Variants in ATAD5 observed in about 807,000 individuals in gnomAD.
The protein encoded by ATAD5 is ATPase family AAA domain containing 5.
A neutral mutation model predicts 176.9 loss-of-function variants in ATAD5; 58 were observed. The ratio of observed to expected loss-of-function variants is 0.33; its 90% confidence interval spans 0.27 to 0.41. ATAD5 has a LOEUF of 0.41. Ranked by LOEUF, ATAD5 falls within the 10% of genes least tolerant of loss-of-function variation. ATAD5 has a pLI of 1.00. For missense variants in ATAD5, 1,789 were observed against 2,094.1 expected (o/e 0.85, Z 2.84); for synonymous variants, 640 against 712.6 (o/e 0.90, Z 1.62).
chr17:30,878,715 G>A (rs1908808561), intron 17 of ATAD5, among the ~76,000 whole-genome samples: 2 of 91,174 alleles, frequency 2.2e-5, no homozygotes, highest in Non-Finnish European at 4.5e-5. Flanking sequence ...GAAGTTAGGT[G>A]GTGTTTTTTT....
intron 17 of ATAD5, among the ~76,000 whole-genome samples, chr17:30,878,825 G>GAGTTCA (rs888598773): frequency 1.4e-5 from 2 of 138,660 alleles, no homozygotes; most frequent in African/African-American, 5.4e-5. Flanking sequence ...TCTGCCTCCT[G>GAGTTCA]AGTTCAAGTG....
At chr17:30,865,173 ATT>A (rs1361518168) in intron 10 of ATAD5, among the ~76,000 whole-genome samples, 8 of 133,992 alleles carry the variant, frequency 6.0e-5, no homozygotes, top group African/African-American at 1.4e-4. Flanking sequence ...GTGCACTTTA[ATT>A]TTTTTTTTTT....
At chr17:30,845,356 A>G (rs1032701304) in intron 6 of ATAD5, among the ~76,000 whole-genome samples, 8 of 152,146 alleles carry the variant, frequency 5.3e-5, no homozygotes, top group African/African-American at 1.7e-4. Context: ...GGAGAGGTAT[A>G]ATTCATATTG....
At position 30,869,310 on chromosome 17, in the gene ATAD5, A is replaced by C. The variant is rs1261499587; in HGVS notation, c.3376A>C (p.Asn1126His). 3 of 1,613,974 alleles carry C rather than the reference A, an allele frequency of 1.9e-6. No homozygotes were observed. The African/African-American group carries it at 4.0e-5, about 22-fold the overall frequency. Residue 1126 changes from asparagine to histidine, a missense_variant, in exon 13 of 23, where the codon AAT becomes CAT. By Grantham distance (68) the Asn-to-His change is moderately conservative. Coordinates refer to ENST00000321990, the MANE Select transcript of ATAD5 (RefSeq NM_024857.5). Reference sequence around the variant, plus strand: ...TGATGAAGAAGAGAGTCGTCTTTGCAATACTGTCCTTATAACAGGGCCAAC... The same window carrying C: ...TGATGAAGAAGAGAGTCGTCTTTGCCATACTGTCCTTATAACAGGGCCAAC... ...SDDEEESRLC[N>H]TVLITGPTGV...
chr17:30,865,317 C>T (rs1475592952), intron 10 of ATAD5, among the ~76,000 whole-genome samples: 9 of 151,958 alleles, frequency 5.9e-5, no homozygotes, highest in African/African-American at 2.2e-4. Flanking sequence ...GGACTACAGG[C>T]CCCCGCCACC....
chr17:30,834,967 G>A lies in ATAD5; in HGVS notation c.886G>A (p.Val296Ile), dbSNP rs1017951222. The A allele has an allele frequency of 1.2e-6, 2 of 1,613,942 alleles. No individual in the cohort carries two copies. The highest frequency in any genetic ancestry group is 2.7e-5 in the African/African-American group (2 of 74,924). ...GTCAATTTGTGTTCCTTCTGAAACTGTCGACGAAATAGTCAAAAGTGGTTA... is the reference window on the plus strand; with the variant it reads ...GTCAATTTGTGTTCCTTCTGAAACTATCGACGAAATAGTCAAAAGTGGTTA... ...TMSICVPSET[V>I]DEIVKSGYIS... The change falls in exon 2 of 23, where the codon GTC becomes ATC. Residue 296 changes from valine to isoleucine, a missense_variant. By Grantham distance (29) the Val-to-Ile change is conservative (BLOSUM62 3). Around this residue, in one of 6 missense-constraint regions of ATAD5, gnomAD observed 696 missense variants for 712.5 expected, o/e 0.98. Coordinates refer to ENST00000321990, the MANE Select transcript of ATAD5 (RefSeq NM_024857.5).
chr17:30,839,122 C>T (rs1282750662), intron 3 of ATAD5, among the ~76,000 whole-genome samples: 4 of 152,144 alleles, frequency 2.6e-5, no homozygotes, highest in African/African-American at 9.7e-5. Context: ...GCATGAGCCA[C>T]TGTGCCTGGC....
chr17:30,888,809 T>C (rs1233292878), intron 19 of ATAD5, among the ~76,000 whole-genome samples: 2 of 152,070 alleles, frequency 1.3e-5, no homozygotes, highest in Non-Finnish European at 2.9e-5. Context: ...GGCTCACGCC[T>C]GTAATCCCAG....
chr17:30,852,075 A>G (rs1907002979), intron 6 of ATAD5, among the ~76,000 whole-genome samples: 1 of 152,160 alleles, frequency 6.6e-6, no homozygotes, highest in Non-Finnish European at 1.5e-5. Flanking sequence ...ATGGTTTCCA[A>G]ATGGCAATTC....
Position 30,878,716 on chromosome 17 carries a change from G to GTTTTTTTTT in ATAD5, c.4012+621_4012+622insTTTTTTTTT, listed in dbSNP as rs1567696442. ...AATCTTATTAATCAGAAGTTAGGTG[G>GTTTTTTTTT]TGTTTTTTTTTTTTTTTTTTTTTTT... On this transcript the variant is annotated intron_variant, in intron 17 of 22. Coordinates refer to ENST00000321990, the MANE Select transcript of ATAD5 (RefSeq NM_024857.5). Among the ~76,000 whole-genome samples the GTTTTTTTTT allele has an allele frequency of 2.4e-5, 2 of 82,658 alleles. 1 individual carries two copies. The highest frequency in any genetic ancestry group is 4.9e-5 in the Non-Finnish European group (2 of 40,562). The allele number at this position is 82,658 out of a possible 152,430, so 54.2% of individuals were successfully genotyped here.
chr17:30,892,064 C>A (rs909874306), intron 19 of ATAD5, among the ~76,000 whole-genome samples: 2 of 152,030 alleles, frequency 1.3e-5, no homozygotes, highest in South Asian at 4.1e-4. Flanking sequence ...ACAGTCCTTG[C>A]ACTTTTTCTG....
intron 18 of ATAD5, among the ~76,000 whole-genome samples, chr17:30,880,939 G>A (rs1186489503): frequency 6.6e-6 from 1 of 151,730 alleles, no homozygotes; most frequent in Non-Finnish European, 1.5e-5. Flanking sequence ...ACCTCCTAAA[G>A]TTCTCATGGA....
intron 3 of ATAD5, among the ~76,000 whole-genome samples, chr17:30,838,793 AAAATT>A (rs1905906746): frequency 1.3e-5 from 2 of 152,226 alleles, no homozygotes; most frequent in South Asian, 4.1e-4. Flanking sequence ...GAGAAGTCTC[AAAATT>A]AAATGTATCC....
At chr17:30,886,720 C>CA (rs1219071368) in intron 18 of ATAD5, among the ~76,000 whole-genome samples, 2 of 146,168 alleles carry the variant, frequency 1.4e-5, no homozygotes, top group Non-Finnish European at 3.0e-5. Flanking sequence ...CCAGCCTGGG[C>CA]AATATAGTGA....
At position 30,849,230 on chromosome 17, in the gene ATAD5, C is replaced by T. The variant is rs552094222; in HGVS notation, c.2450+4314C>T. On this transcript the variant is annotated intron_variant, in intron 6 of 22. Transcript: ENST00000321990. ...TACCACTTTTTGTCTCTCCATACAC[C>T]TATTAATGGACATCTGGATTGTTTC... 2.4e-4 allele frequency among the ~76,000 whole-genome samples: 37 copies of T among 152,214 alleles called. 1 individual carries two copies. The highest frequency in any genetic ancestry group is 8.4e-4 in the African/African-American group (35 of 41,546).
chr17:30,853,279 CTATT>C (rs1272450312), intron 6 of ATAD5, among the ~76,000 whole-genome samples: 2 of 151,894 alleles, frequency 1.3e-5, no homozygotes, highest in Admixed American at 6.6e-5. Flanking sequence ...ACATTTAAAA[CTATT>C]TATATGTGTG....
intron 18 of ATAD5, among the ~76,000 whole-genome samples, chr17:30,884,251 T>A (rs1909182190): frequency 6.7e-6 from 1 of 148,900 alleles, no homozygotes; most frequent in Admixed American, 6.7e-5. Flanking sequence ...CTGCCTTTGG[T>A]TTCAAGCAAT....
At chr17:30,890,861 TAC>T (rs1467131773) in intron 19 of ATAD5, among the ~76,000 whole-genome samples, 1 of 152,006 alleles carries the variant, frequency 6.6e-6, no homozygotes, top group Non-Finnish European at 1.5e-5. Flanking sequence ...AACATAAAGA[TAC>T]ATACTTATTT....
chr17:30,848,539 G>A (rs1283065111), intron 6 of ATAD5, among the ~76,000 whole-genome samples: 2 of 152,134 alleles, frequency 1.3e-5, no homozygotes, highest in Non-Finnish European at 1.5e-5. Flanking sequence ...GATTACAGGC[G>A]TGAGCCACAA....
Sources: gnomAD v4.1 joint callset for allele counts (sites outside exome capture counted in the v4.1 genomes callset) on GRCh38, gnomAD v4.1.1 for gene constraint, gnomAD v4.1.1 regional missense constraint, MANE v1.5 for transcripts, NCBI Gene and HGNC (gene_info 2026-07-23, HGNC 2026-07-21) for gene names.